Variants in TMEM232 observed in about 807,000 individuals in gnomAD.
TMEM232 encodes the protein transmembrane protein 232.
Under a neutral mutation model 78.8 loss-of-function variants are expected in TMEM232, and 80 were observed. The observed-to-expected ratio is 1.01, with a 90% CI of 0.85 to 1.22. TMEM232 has a LOEUF of 1.22. TMEM232 is among the 50% of genes most tolerant of loss of function. The pLI is 0.00. For missense variants in TMEM232, 881 were observed against 742.2 expected (o/e 1.19, Z -2.17); for synonymous variants, 297 against 254.3 (o/e 1.17, Z -1.60).
chr5:110,698,517 T>A (rs1795068698), intron 1 of TMEM232, among the ~76,000 whole-genome samples: 1 of 152,100 alleles, frequency 6.6e-6, no homozygotes, highest in Non-Finnish European at 1.5e-5. Flanking sequence ...GTCGGCAGAA[T>A]TCCAGCCAGA....
At chr5:110,487,724 T>A (rs753852169) in intron 12 of TMEM232, among the ~76,000 whole-genome samples, 4 of 152,008 alleles carry the variant, frequency 2.6e-5, no homozygotes, top group Non-Finnish European at 5.9e-5. Flanking sequence ...ATTTTAAGAA[T>A]CTTAGCATCT....
At chr5:110,697,316 T>G (rs758189115) in intron 1 of TMEM232, among the ~76,000 whole-genome samples, 3 of 152,174 alleles carry the variant, frequency 2.0e-5, no homozygotes, top group Non-Finnish European at 2.9e-5. Context: ...ATTAAAGACT[T>G]ACATGTCAGA....
chr5:110,683,425 T>C (rs185175065), intron 1 of TMEM232, among the ~76,000 whole-genome samples: 1 of 151,368 alleles, frequency 6.6e-6, no homozygotes, highest in Non-Finnish European at 1.5e-5. Flanking sequence ...AATATATATA[T>C]AGAGAGAGAG....
At chr5:110,526,025 C>CAAAAAAAAA (rs758110596) in intron 12 of TMEM232, among the ~76,000 whole-genome samples, 1 of 47,806 alleles carries the variant, frequency 2.1e-5, no homozygotes. Flanking sequence ...CACCATACAC[C>CAAAAAAAAA]AAAAAAAAAA....
At chr5:110,558,417 A>AT (rs1775363502) in intron 11 of TMEM232, among the ~76,000 whole-genome samples, 1 of 152,214 alleles carries the variant, frequency 6.6e-6, no homozygotes, top group East Asian at 1.9e-4. Context: ...GGAAGGCTAT[A>AT]AGTGGGTGTT....
chr5:110,505,185 T>C (rs1469176362), intron 12 of TMEM232, among the ~76,000 whole-genome samples: 1 of 152,170 alleles, frequency 6.6e-6, no homozygotes, highest in Non-Finnish European at 1.5e-5. Context: ...TCAGTTAAAC[T>C]TGTGAAATCT....
intron 2 of TMEM232, among the ~76,000 whole-genome samples, chr5:110,660,781 C>T (rs533745833): frequency 1.7e-3 from 257 of 152,136 alleles, no homozygotes; most frequent in African/African-American, 5.8e-3. Flanking sequence ...ATGATCAAAT[C>T]AGGGTAATTA....
intron 1 of TMEM232, among the ~76,000 whole-genome samples, chr5:110,718,255 T>C (rs552100485): frequency 6.6e-6 from 1 of 152,274 alleles, no homozygotes; most frequent in African/African-American, 2.4e-5. Flanking sequence ...AAAATCTGAA[T>C]TCCAAAAGTC....
Position 110,412,579 on chromosome 5 carries a change from T to A in TMEM232, n.308+12244A>T, listed in dbSNP as rs980880010. 5.3e-5 allele frequency among the ~76,000 whole-genome samples: 8 copies of A among 151,126 alleles called. No individual in the cohort carries two copies. In the East Asian group the frequency reaches 7.8e-4, roughly 15 times the overall value. ...AAATAGCCAAACTCTTTTTTTTTTT[T>A]ATCAGAATAACAATGACAAGAAGAG... is the stretch of plus-strand genomic sequence containing the variant. On this transcript the variant is annotated intron_variant and non_coding_transcript_variant, in intron 2 of 8. Transcript: ENST00000507188.
At chr5:110,415,933 T>A (rs1334261191), downstream of TMEM232, among the ~76,000 whole-genome samples, 2 of 152,114 alleles carry the variant, frequency 1.3e-5, no homozygotes, top group African/African-American at 4.8e-5. Context: ...ATCACAGGGA[T>A]CTTCCAACTA....
chr5:110,433,162 A>C (rs1445655167), intron 12 of TMEM232, among the ~76,000 whole-genome samples: 1 of 151,820 alleles, frequency 6.6e-6, no homozygotes, highest in African/African-American at 2.4e-5. Context: ...ACTCCACCCA[A>C]CAACGACAGA....
intron 13 of TMEM232, among the ~76,000 whole-genome samples, chr5:110,424,200 AACT>A (rs1449454029): frequency 6.6e-6 from 1 of 152,152 alleles, no homozygotes; most frequent in Non-Finnish European, 1.5e-5. Context: ...GATAATATTG[AACT>A]ACTGGTGATA....
intron 1 of TMEM232, among the ~76,000 whole-genome samples, chr5:110,682,857 C>G (rs927741356): frequency 6.6e-6 from 1 of 152,212 alleles, no homozygotes; most frequent in Non-Finnish European, 1.5e-5. Context: ...TAAGTGTCTT[C>G]TTTCTCATTC....
intron 12 of TMEM232, among the ~76,000 whole-genome samples, chr5:110,434,615 T>C (rs1758219709): frequency 6.6e-6 from 1 of 151,998 alleles, no homozygotes; most frequent in African/African-American, 2.4e-5. Context: ...TCTATAATAC[T>C]ACTATCATCC....
chr5:110,559,763 T>C (rs1437392994), intron 11 of TMEM232, among the ~76,000 whole-genome samples: 3 of 152,246 alleles, frequency 2.0e-5, no homozygotes, highest in Admixed American at 6.5e-5. Flanking sequence ...AAGTTTATCA[T>C]GTCACAGTTC....
intron 2 of TMEM232, among the ~76,000 whole-genome samples, chr5:110,400,830 T>TTATCATAC (rs1218861609): frequency 6.6e-6 from 1 of 152,132 alleles, no homozygotes; most frequent in Admixed American, 6.6e-5. Context: ...ATCATACTGG[T>TTATCATAC]TGATTTCTTG....
chr5:110,595,122 C>G (rs910600441), intron 10 of TMEM232, among the ~76,000 whole-genome samples: 3 of 152,162 alleles, frequency 2.0e-5, no homozygotes, highest in African/African-American at 7.2e-5. Context: ...TGGTGATACC[C>G]AGGCATACAG....
At chr5:110,490,189 GAAAA>G (rs1764925907) in intron 12 of TMEM232, among the ~76,000 whole-genome samples, 1 of 141,674 alleles carries the variant, frequency 7.1e-6, no homozygotes, top group Admixed American at 7.0e-5. Context: ...AAGAAAGAAA[GAAAA>G]AGTTAATTGT....
Position 110,588,129 on chromosome 5 carries a change from A to G in TMEM232, c.1276+16980T>C, listed in dbSNP as rs181332321. On this transcript the variant is annotated intron_variant, in intron 10 of 13. Coordinates refer to ENST00000455884, the MANE Select transcript of TMEM232 (RefSeq NM_001039763.4). ...ATTAACTCTCATTTACTTTCTAAAA[A>G]GAAATTATTGCTCTGTGCTAATGAT... Among the ~76,000 whole-genome samples, 934 of 152,246 alleles carry G rather than the reference A, an allele frequency of 6.1e-3. 6 individuals carry two copies. The highest frequency in any genetic ancestry group is 0.01 in the Middle Eastern group (3 of 294).
Sources: gnomAD v4.1 joint callset for allele counts (sites outside exome capture counted in the v4.1 genomes callset) on GRCh38, gnomAD v4.1.1 for gene constraint, MANE v1.5 for transcripts, NCBI Gene and HGNC (gene_info 2026-07-23, HGNC 2026-07-21) for gene names.